Variants in NSD1 observed in about 807,000 individuals in gnomAD.
NSD1 encodes the protein nuclear receptor binding SET domain protein 1.
A neutral mutation model predicts 242.7 loss-of-function variants in NSD1; 26 were observed. The observed-to-expected ratio is 0.11, with a 90% CI of 0.08 to 0.15. The LOEUF is 0.15. Ranked by LOEUF, NSD1 falls within the 10% of genes least tolerant of loss-of-function variation. The pLI is 1.00. For synonymous variants in NSD1, 1,106 were observed against 1,178.1 expected, an observed-to-expected ratio of 0.94 and a Z score of 1.25; for missense variants, 2,495 against 3,272.8, an observed-to-expected ratio of 0.76 and a Z score of 5.80.
At chr5:177,228,128 C>G (rs1228351044) in intron 5 of NSD1, among the ~76,000 whole-genome samples, 1 of 151,986 alleles carries the variant, frequency 6.6e-6, no homozygotes, top group Non-Finnish European at 1.5e-5. Flanking sequence ...TGTCAATTAC[C>G]TGTAGTCAAC....
At chr5:177,282,814 T>C (rs951342889) in intron 19 of NSD1, among the ~76,000 whole-genome samples, 6 of 152,336 alleles carry the variant, frequency 3.9e-5, no homozygotes, top group Non-Finnish European at 7.3e-5. Context: ...CAATGAAAAT[T>C]GGAGCTTATA....
chr5:177,133,799 A>AGGTCGCGCTCGCTGCC lies in NSD1; in HGVS notation c.-170_-155dup, dbSNP rs1395301892. On this transcript the variant is annotated 5_prime_UTR_variant, in exon 1 of 23. Transcript: ENST00000439151. This position sits in a 1 kb window ranked among gnomAD's most constrained non-coding sequence, Gnocchi z 6.2. ...AGGCGGCGGCGGAATAGGCCGGGGC[A>AGGTCGCGCTCGCTGCC]GGTCGCGCTCGCTGCCTTCTCCCCT... 2.7e-5 allele frequency: 4 copies of AGGTCGCGCTCGCTGCC among 146,400 alleles called. No homozygotes were observed. Among genetic ancestry groups the AGGTCGCGCTCGCTGCC allele is most frequent in the Non-Finnish European group, 4.5e-5 (3 of 66,328 alleles). 9.1% of individuals were successfully genotyped at this position (146,400 alleles called of 1,614,324 possible). A position where few individuals can be genotyped will look rare whatever the true frequency, so the allele number is the denominator to read the frequency against.
chr5:177,212,308 A>G (rs1763409676), intron 5 of NSD1, 113 bp downstream of exon 5: 1 of 980,598 alleles, frequency 1.0e-6, no homozygotes, highest in Non-Finnish European at 1.5e-6. Flanking sequence ...ACTAGCGGGG[A>G]AGAATCATCA....
chr5:177,196,813 G>A (rs931775527), intron 3 of NSD1, among the ~76,000 whole-genome samples: 1 of 152,188 alleles, frequency 6.6e-6, no homozygotes, highest in Non-Finnish European at 1.5e-5. Flanking sequence ...GATGAAACAG[G>A]TGGAAGAGGA....
In NSD1 at chr5:177,210,419, A is replaced by T; in HGVS notation, c.2020A>T (p.Asn674Tyr). ...EIPDAFDRTENMLSMQKNEKI... is the reference protein window; with the variant it reads ...EIPDAFDRTEYMLSMQKNEKI... ...TCCAGATGCTTTCGATAGAACAGAG[A>T]ACATGTTATCTATGCAGAAAAATGA... Residue 674 changes from asparagine to tyrosine, a missense_variant, in exon 5 of 23, where the codon AAC becomes TAC. By Grantham distance (143) the Asn-to-Tyr change is moderately radical. Transcript: ENST00000439151. 6.2e-7 allele frequency: 1 copy of T among 1,614,204 alleles called. No individual in the cohort carries two copies. Among genetic ancestry groups the T allele is most frequent in the Non-Finnish European group, 8.5e-7 (1 of 1,180,042 alleles).
At chr5:177,177,875 A>G (rs2149805252) in intron 2 of NSD1, among the ~76,000 whole-genome samples, 1 of 152,202 alleles carries the variant, frequency 6.6e-6, no homozygotes, top group South Asian at 2.1e-4. Context: ...ATATTCTGTT[A>G]ATGCAAAAAA....
At chr5:177,244,335 C>A (rs2149894928) in intron 9 of NSD1, 65 bp downstream of exon 9, 1 of 1,199,332 alleles carries the variant, frequency 8.3e-7, no homozygotes, top group Non-Finnish European at 1.2e-6. Flanking sequence ...TGTCTGTTAA[C>A]CACAAAAATT....
At chr5:177,136,657 A>G (rs1171321387) in intron 2 of NSD1, among the ~76,000 whole-genome samples, 2 of 149,590 alleles carry the variant, frequency 1.3e-5, no homozygotes, top group African/African-American at 4.9e-5. Flanking sequence ...GCTGGAGTGC[A>G]GTGGTTGATC....
At chr5:177,275,092 C>G (rs1166492139) in intron 17 of NSD1, among the ~76,000 whole-genome samples, 1 of 151,004 alleles carries the variant, frequency 6.6e-6, no homozygotes, top group East Asian at 1.9e-4. Context: ...TGACCACCAT[C>G]TTGAGAATCT....
At chr5:177,261,458 A>G (rs984663780) in intron 14 of NSD1, among the ~76,000 whole-genome samples, 1 of 151,812 alleles carries the variant, frequency 6.6e-6, no homozygotes, top group Non-Finnish European at 1.5e-5. Context: ...TTCTATCCTT[A>G]TCATCCCTGA....
At chr5:177,291,640 A>G (rs1451128214) in intron 21 of NSD1, among the ~76,000 whole-genome samples, 1 of 152,216 alleles carries the variant, frequency 6.6e-6, no homozygotes, top group African/African-American at 2.4e-5. Flanking sequence ...GCAACACAGC[A>G]AGACTCCGTC....
chr5:177,206,206 G>T (rs1728486862), intron 4 of NSD1, among the ~76,000 whole-genome samples: 1 of 152,070 alleles, frequency 6.6e-6, no homozygotes, highest in Non-Finnish European at 1.5e-5. Context: ...CACCATGTTG[G>T]CCAGGCTGGT....
intron 11 of NSD1, among the ~76,000 whole-genome samples, chr5:177,250,598 T>G (rs1207096346): frequency 6.6e-6 from 1 of 152,132 alleles, no homozygotes; most frequent in Non-Finnish European, 1.5e-5. Flanking sequence ...GAAACGTTAT[T>G]GGCACTCTGA....
chr5:177,184,097 G>C (rs1760910059), intron 2 of NSD1, among the ~76,000 whole-genome samples: 1 of 152,174 alleles, frequency 6.6e-6, no homozygotes, highest in South Asian at 2.1e-4. Context: ...CAATAAACAT[G>C]GGAGGGCAAA....
intron 7 of NSD1, among the ~76,000 whole-genome samples, chr5:177,239,236 A>G (rs1765672559): frequency 6.6e-6 from 1 of 152,198 alleles, no homozygotes; most frequent in South Asian, 2.1e-4. Flanking sequence ...AATAAAAAAG[A>G]TTTTTGAAAG....
rs34743257 is a variant in NSD1 at position 177,149,224 on chromosome 5, GT to G, written c.927+13205del. On this transcript the variant is annotated intron_variant, in intron 2 of 22. Coordinates refer to ENST00000439151, the MANE Select transcript of NSD1 (RefSeq NM_022455.5). ...GTAATGTCTCATCTCATTATGTTTT[GT>G]TTTTTTTTTTGAGACGGAATGTTGC... is the stretch of plus-strand genomic sequence containing the variant. Among the ~76,000 whole-genome samples, 796 of 143,064 alleles carry G rather than the reference GT, an allele frequency of 5.6e-3. 5 individuals carry two copies. Among genetic ancestry groups the G allele is most frequent in the African/African-American group, 0.018 (713 of 39,182 alleles). The allele number at this position is 143,064 out of a possible 152,430, so 93.9% of individuals were successfully genotyped here.
At chr5:177,203,039 G>T (rs936173891) in intron 3 of NSD1, among the ~76,000 whole-genome samples, 35 of 151,532 alleles carry the variant, frequency 2.3e-4, no homozygotes, top group African/African-American at 8.0e-4. Flanking sequence ...TTTTCATTTT[G>T]CATTCTGAGG....
At chr5:177,173,719 G>T (rs113942239) in intron 2 of NSD1, among the ~76,000 whole-genome samples, 1 of 151,930 alleles carries the variant, frequency 6.6e-6, no homozygotes, top group Non-Finnish European at 1.5e-5. Context: ...ATATCTGCCC[G>T]CCTGGGCCTC....
intron 5 of NSD1, among the ~76,000 whole-genome samples, chr5:177,214,200 C>T (rs1001530738): frequency 1.1e-4 from 17 of 152,130 alleles, no homozygotes; most frequent in East Asian, 1.9e-4. Flanking sequence ...GGCATGGTGG[C>T]GCGCTCCTGT....
Sources: allele counts gnomAD v4.1 joint callset (sites outside exome capture counted in the v4.1 genomes callset), GRCh38; gene constraint gnomAD v4.1.1; non-coding constraint Gnocchi (gnomAD v3.1); transcripts MANE v1.5; gene names NCBI Gene and HGNC (gene_info 2026-07-23, HGNC 2026-07-21).